The following TKTL1 variants were observed in gnomAD, a reference collection of about 807,000 sequenced individuals.
The protein encoded by TKTL1 is transketolase-like protein 1.
Under a neutral mutation model 39.3 loss-of-function variants are expected in TKTL1, and 1 was observed. That is an observed-to-expected ratio of 0.03 (90% CI 0.01 to 0.12). The LOEUF (loss-of-function observed/expected upper bound fraction) is 0.12, where lower values mean the gene tolerates loss of function less well. TKTL1 is among the 10% of genes least tolerant of loss of function. The pLI is 1.00. For synonymous variants in TKTL1, 262 were observed against 193.8 expected, an observed-to-expected ratio of 1.35 and a Z score of -2.92; for missense variants, 575 against 509.6, an observed-to-expected ratio of 1.13 and a Z score of -1.24.
intron 1 of TKTL1, among the ~76,000 whole-genome samples, chrX:154,303,710 G>A (rs1170431388): frequency 2.8e-5 from 3 of 107,586 alleles, no homozygotes; most frequent in Non-Finnish European, 5.8e-5. Context: ...TAATGAAGCA[G>A]GATTTATGCC....
At chrX:154,298,560 C>T (rs1018190448) in intron 1 of TKTL1, among the ~76,000 whole-genome samples, 2 of 111,714 alleles carry the variant, frequency 1.8e-5, no homozygotes, top group South Asian at 3.7e-4. Flanking sequence ...AAAAATACAA[C>T]AATTAGCTAG....
intron 10 of TKTL1, among the ~76,000 whole-genome samples, chrX:154,325,796 A>C (rs73629199): frequency 0.08 from 8,900 of 111,576 alleles, 871 homozygotes; most frequent in African/African-American, 0.27. Context: ...GCAGCCTGGG[A>C]AACATAGCGA....
chrX:154,312,271 TAGG>T (rs1557168500), intron 5 of TKTL1, among the ~76,000 whole-genome samples: 2 of 111,816 alleles, frequency 1.8e-5, no homozygotes, highest in Non-Finnish European at 3.8e-5. Context: ...CCCAGCTACT[TAGG>T]AGGCGGAGGC....
chrX:154,312,981 T>A (rs2067370457), intron 6 of TKTL1, among the ~76,000 whole-genome samples: 1 of 111,923 alleles, frequency 8.9e-6, no homozygotes, highest in Non-Finnish European at 1.9e-5. Context: ...AGTGCAGCTG[T>A]GTCACGTGGA....
intron 7 of TKTL1, among the ~76,000 whole-genome samples, chrX:154,315,849 C>G (rs782617109): frequency 8.9e-6 from 1 of 112,525 alleles, no homozygotes; most frequent in African/African-American, 3.2e-5. Context: ...TTCTGCTTAT[C>G]TATGCCTCAG....
chrX:154,309,238 G>A (rs2067337124), intron 2 of TKTL1, 107 bp from the exon 3 acceptor site: 2 of 648,864 alleles, frequency 3.1e-6, no homozygotes, highest in African/African-American at 4.3e-5. Flanking sequence ...TGTTCGGATG[G>A]GACGCTGCTA....
intron 10 of TKTL1, 71 bp downstream of exon 10, chrX:154,325,493 C>T: frequency 7.6e-6 from 7 of 918,699 alleles, no homozygotes; most frequent in South Asian, 4.4e-5. Context: ...AATCTATCAC[C>T]AGCTATCTTC....
intron 1 of TKTL1, among the ~76,000 whole-genome samples, chrX:154,298,211 T>G (rs1170812681): frequency 9.0e-6 from 1 of 111,022 alleles, no homozygotes; most frequent in Non-Finnish European, 1.9e-5. Flanking sequence ...CCACTTTAAC[T>G]TGATTGTACT....
intron 7 of TKTL1, among the ~76,000 whole-genome samples, chrX:154,316,872 C>T (rs782259042): frequency 2.8e-4 from 30 of 108,745 alleles, no homozygotes; most frequent in Admixed American, 4.9e-4. Flanking sequence ...CAGGTTCAAG[C>T]GATTCCCTTG....
intron 1 of TKTL1, 66 bp downstream of exon 1, chrX:154,296,059 G>A (rs781931375): frequency 8.6e-7 from 1 of 1,156,197 alleles, no homozygotes; most frequent in African/African-American, 1.8e-5. Flanking sequence ...AGGCCTGGTG[G>A]CCATGAGGCC....
chrX:154,311,560 C>A (rs1557168373), intron 5 of TKTL1, among the ~76,000 whole-genome samples: 2 of 111,034 alleles, frequency 1.8e-5, no homozygotes, highest in Non-Finnish European at 3.8e-5. Flanking sequence ...TGTGTATGAG[C>A]AGGTGCAAGA....
chrX:154,324,957 A>C (rs2067482177), intron 9 of TKTL1, among the ~76,000 whole-genome samples: 1 of 112,236 alleles, frequency 8.9e-6, no homozygotes, highest in Non-Finnish European at 1.9e-5. Context: ...ATAGATGTTT[A>C]TGGTCTTTCT....
chrX:154,302,304 G>A (rs1366913975), intron 1 of TKTL1, among the ~76,000 whole-genome samples: 19 of 111,075 alleles, frequency 1.7e-4, no homozygotes, highest in African/African-American at 6.2e-4. Flanking sequence ...TCAAAACAAG[G>A]GTTGAATAGG....
At chrX:154,307,757 C>T (rs934037277) in intron 2 of TKTL1, among the ~76,000 whole-genome samples, 8 of 112,293 alleles carry the variant, frequency 7.1e-5, no homozygotes, top group Non-Finnish European at 1.5e-4. Flanking sequence ...ATAGGACTTC[C>T]AAGGGCATGC....
In TKTL1 at chrX:154,295,798, A is replaced by G. The variant is rs938496418; in HGVS notation, c.-62A>G. Reference sequence around the variant, plus strand: ...ACGCACTGGGCAGCTCGCAGGCGCCATTCGCTCTTCAGACGCCGGAGACGT... The same window carrying G: ...ACGCACTGGGCAGCTCGCAGGCGCCGTTCGCTCTTCAGACGCCGGAGACGT... On this transcript the variant is annotated 5_prime_UTR_variant, in exon 1 of 13. Coordinates refer to ENST00000369915, the MANE Select transcript of TKTL1 (RefSeq NM_012253.4). 63 of 1,176,945 alleles carry G rather than the reference A, an allele frequency of 5.4e-5. No homozygotes were observed. The highest frequency in any genetic ancestry group is 1.8e-4 in the African/African-American group (10 of 56,234).
chrX:154,327,060 A>T (rs782113987), intron 10 of TKTL1: 5 of 178,555 alleles, frequency 2.8e-5, no homozygotes, highest in Non-Finnish European at 5.3e-5. Flanking sequence ...AAGCCCAGGA[A>T]CTCTGTCTTT....
chrX:154,299,603 C>T (rs2067257497), intron 1 of TKTL1, among the ~76,000 whole-genome samples: 1 of 111,113 alleles, frequency 9.0e-6, no homozygotes, highest in Non-Finnish European at 1.9e-5. Flanking sequence ...TCTTTTATCC[C>T]TCACCTCCTT....
chrX:154,329,629 A>G lies in TKTL1; in HGVS notation c.1732A>G (p.Met578Val), dbSNP rs1184017743. The G allele has an allele frequency of 2.5e-6, 3 of 1,210,377 alleles. No individual in the cohort carries two copies. The highest frequency in any genetic ancestry group is 3.4e-6 in the Non-Finnish European group (3 of 895,267). Residue 578 changes from methionine to valine, a missense_variant, in exon 13 of 13, where the codon ATG (methionine) becomes GTG (valine). Met to Val is a conservative substitution (Grantham distance 21, BLOSUM62 1). Coordinates refer to ENST00000369915, the MANE Select transcript of TKTL1 (RefSeq NM_012253.4). Reference sequence around the variant, plus strand: ...TGGGAAGTCCGAGGAATTGCTGGATATGTATGGAATTAGTGCCAGACATAT... The same window carrying G: ...TGGGAAGTCCGAGGAATTGCTGGATGTGTATGGAATTAGTGCCAGACATAT... The part of the protein sequence containing the change: ...QSGKSEELLD[M>V]YGISARHIIV...
chrX:154,328,270 G>A (rs1409174820), intron 12 of TKTL1, among the ~76,000 whole-genome samples: 2 of 110,017 alleles, frequency 1.8e-5, no homozygotes, highest in African/African-American at 6.6e-5. Context: ...CAGGCCAGGC[G>A]TGGTGGCTTA....
Sources: gnomAD v4.1 joint callset for allele counts (sites outside exome capture counted in the v4.1 genomes callset) on GRCh38, gnomAD v4.1.1 for gene constraint, MANE v1.5 for transcripts, NCBI Gene and HGNC (gene_info 2026-07-23, HGNC 2026-07-21) for gene names.